PLXDC2: variants seen among roughly 807,000 people sequenced by gnomAD.
The protein encoded by PLXDC2 is plexin domain-containing protein 2.
PLXDC2 carries 40 observed loss-of-function variants against 68.9 expected under a neutral mutation model. The observed-to-expected ratio is 0.58, with a 90% CI of 0.45 to 0.76. The LOEUF is 0.76. Ranked by LOEUF, PLXDC2 falls within the 30% of genes least tolerant of loss-of-function variation. The probability of loss-of-function intolerance (pLI) is 0.00; values close to 1 mark genes in which losing one functional copy is unlikely to be tolerated. For missense variants in PLXDC2, 644 were observed against 661.9 expected, an observed-to-expected ratio of 0.97 and a Z score of 0.30; for synonymous variants, 243 against 234.2, an observed-to-expected ratio of 1.04 and a Z score of -0.34.
chr10:20,078,789 A>G (rs757341555), intron 4 of PLXDC2, among the ~76,000 whole-genome samples: 5 of 152,156 alleles, frequency 3.3e-5, no homozygotes, highest in Admixed American at 1.3e-4. Flanking sequence ...ATGGGTACCC[A>G]TTTGTTTTAA....
intron 1 of PLXDC2, among the ~76,000 whole-genome samples, chr10:19,972,198 T>C (rs555489141): frequency 1.3e-5 from 2 of 152,344 alleles, no homozygotes; most frequent in African/African-American, 4.8e-5. Flanking sequence ...TATATCTGGC[T>C]GCTTATCAGT....
At chr10:19,922,920 C>A (rs1833483726) in intron 1 of PLXDC2, among the ~76,000 whole-genome samples, 1 of 152,116 alleles carries the variant, frequency 6.6e-6, no homozygotes, top group Admixed American at 6.5e-5. Flanking sequence ...TGTCCAAAAC[C>A]TTTGAGCCTC....
intron 4 of PLXDC2, among the ~76,000 whole-genome samples, chr10:20,098,178 T>C (rs1448724097): frequency 2.0e-5 from 3 of 152,064 alleles, no homozygotes; most frequent in Admixed American, 2.0e-4. Flanking sequence ...CCAAAACCAG[T>C]GTCCTTTAGC....
intron 1 of PLXDC2, among the ~76,000 whole-genome samples, chr10:19,857,022 A>G (rs1483815293): frequency 6.6e-6 from 1 of 152,202 alleles, no homozygotes; most frequent in East Asian, 1.9e-4. Flanking sequence ...GTCATAATTT[A>G]TTAAACACTT....
intron 3 of PLXDC2, among the ~76,000 whole-genome samples, chr10:20,052,728 A>C (rs1017656606): frequency 1.3e-5 from 2 of 150,350 alleles, no homozygotes; most frequent in East Asian, 1.9e-4. Context: ...TATGCAAAAA[A>C]AAAAAAAAAA....
At chr10:20,242,069 A>G (rs1343220490) in intron 12 of PLXDC2, among the ~76,000 whole-genome samples, 8 of 152,122 alleles carry the variant, frequency 5.3e-5, no homozygotes, top group Admixed American at 5.2e-4. Flanking sequence ...TCAAGTCTTC[A>G]TTTTTGACTC....
Position 19,816,672 on chromosome 10 carries a change from GCTGTGGAATTAGAT to G in PLXDC2, c.-403_-390del, listed in dbSNP as rs1836347978. On this transcript the variant is annotated 5_prime_UTR_variant, in exon 1 of 14. Transcript: ENST00000377252. ...GGATCTGGGGCAGGCAGCGGCGCTG[GCTGTGGAATTAGAT>G]CTGTTTTGAACCCAGTGGAGCGCAT... The G allele has an allele frequency of 1.2e-5, 3 of 249,110 alleles. No individual in the cohort carries two copies. Among genetic ancestry groups the G allele is most frequent in the Non-Finnish European group, 2.4e-5 (3 of 127,344 alleles). The allele number at this position is 249,110 out of a possible 1,614,324, so 15.4% of individuals were successfully genotyped here. A position where few individuals can be genotyped will look rare whatever the true frequency, so the allele number is the denominator to read the frequency against.
intron 10 of PLXDC2, among the ~76,000 whole-genome samples, chr10:20,212,949 A>T (rs183748960): frequency 1.3e-5 from 2 of 152,300 alleles, no homozygotes; most frequent in Admixed American, 6.5e-5. Flanking sequence ...CCATATATGT[A>T]AAGATTGAGA....
At chr10:20,269,700 C>A (rs767961706) in intron 13 of PLXDC2, among the ~76,000 whole-genome samples, 1 of 151,928 alleles carries the variant, frequency 6.6e-6, no homozygotes, top group Non-Finnish European at 1.5e-5. Context: ...CTACAAGCAG[C>A]GAGAATCAGT....
intron 1 of PLXDC2, among the ~76,000 whole-genome samples, chr10:19,870,863 C>T (rs1294927199): frequency 1.3e-5 from 2 of 152,194 alleles, no homozygotes; most frequent in Non-Finnish European, 2.9e-5. Context: ...GCACTGGATT[C>T]TGTGTTATGT....
chr10:19,976,495 G>A (rs1834458864), intron 1 of PLXDC2, among the ~76,000 whole-genome samples: 1 of 152,192 alleles, frequency 6.6e-6, no homozygotes, highest in African/African-American at 2.4e-5. Context: ...TTACAGGCGT[G>A]AGCCACTGTG....
chr10:19,974,009 C>G (rs559564699), intron 1 of PLXDC2, among the ~76,000 whole-genome samples: 41 of 152,212 alleles, frequency 2.7e-4, no homozygotes, highest in African/African-American at 9.6e-4. Context: ...TTTGATTACG[C>G]TAAAAAGTAA....
intron 12 of PLXDC2, among the ~76,000 whole-genome samples, chr10:20,233,082 A>G (rs914979405): frequency 1.3e-5 from 2 of 152,116 alleles, no homozygotes; most frequent in African/African-American, 4.8e-5. Flanking sequence ...AAAATTTAAC[A>G]TTTCTGATCA....
At chr10:19,953,315 T>C (rs530307457) in intron 1 of PLXDC2, among the ~76,000 whole-genome samples, 223 of 152,172 alleles carry the variant, frequency 1.5e-3, no homozygotes, top group Non-Finnish European at 2.5e-3. Flanking sequence ...GGACGTGGAA[T>C]GAAGGGGAAG....
intron 3 of PLXDC2, among the ~76,000 whole-genome samples, chr10:20,060,411 G>A (rs1836079933): frequency 6.7e-6 from 1 of 148,832 alleles, no homozygotes; most frequent in Non-Finnish European, 1.5e-5. Context: ...GAAAGTAAAT[G>A]TTTTATACAT....
chr10:19,971,118 A>T (rs1392044317), intron 1 of PLXDC2, among the ~76,000 whole-genome samples: 1 of 152,158 alleles, frequency 6.6e-6, no homozygotes, highest in African/African-American at 2.4e-5. Context: ...TTAATTGATA[A>T]TACAGCCCGT....
chr10:19,885,307 T>G lies in PLXDC2; in HGVS notation c.112+68116T>G, dbSNP rs1300784121. On this transcript the variant is annotated intron_variant, in intron 1 of 13. Transcript: ENST00000377252. ...ATTTTCTCCCATTTTGTAGGTTGCC[T>G]GTTCACTCTGATGGTAGTTTCTTTT... 2.4e-3 allele frequency among the ~76,000 whole-genome samples: 367 copies of G among 150,608 alleles called. 2 individuals carry two copies. The highest frequency in any genetic ancestry group is 8.1e-3 in the African/African-American group (334 of 41,362).
At chr10:20,227,666 A>G (rs1321320497) in intron 12 of PLXDC2, among the ~76,000 whole-genome samples, 1 of 152,118 alleles carries the variant, frequency 6.6e-6, no homozygotes, top group African/African-American at 2.4e-5. Flanking sequence ...TACGCCAGGC[A>G]ATGGGGTTTG....
intron 1 of PLXDC2, among the ~76,000 whole-genome samples, chr10:19,879,234 G>A (rs529775380): frequency 6.6e-6 from 1 of 152,280 alleles, no homozygotes; most frequent in South Asian, 2.1e-4. Flanking sequence ...AAGAAAATGT[G>A]AAGTGTAAGC....
Sources: allele counts gnomAD v4.1 joint callset (sites outside exome capture counted in the v4.1 genomes callset), GRCh38; gene constraint gnomAD v4.1.1; transcripts MANE v1.5; gene names NCBI Gene and HGNC (gene_info 2026-07-23, HGNC 2026-07-21).